The following BCAS4 variants were observed in gnomAD, a reference collection of about 807,000 sequenced individuals.
BCAS4 encodes the protein breast carcinoma-amplified sequence 4.
Under a neutral mutation model 15.7 loss-of-function variants are expected in BCAS4, and 9 were observed. The ratio of observed to expected loss-of-function variants is 0.57; its 90% CI spans 0.34 to 1.00. BCAS4 has a LOEUF of 1.00. BCAS4 is among the 50% of genes least tolerant of loss of function. The pLI is 0.02. For missense variants in BCAS4, 225 were observed against 239.1 expected (o/e 0.94, Z 0.39); for synonymous variants, 101 against 99.5 (o/e 1.02, Z -0.09).
At chr20:50,850,747 C>G (rs1978364590) in intron 4 of BCAS4, among the ~76,000 whole-genome samples, 2 of 152,202 alleles carry the variant, frequency 1.3e-5, no homozygotes, top group South Asian at 4.1e-4. Flanking sequence ...ATCTGGCCTA[C>G]CGTGCTCACT....
intron 4 of BCAS4, chr20:50,875,866 C>T (rs1018881735): frequency 1.8e-5 from 8 of 441,024 alleles, no homozygotes; most frequent in Middle Eastern, 5.1e-4. Flanking sequence ...TGTCACGTGT[C>T]GGTATAGGTC....
intron 1 of BCAS4, among the ~76,000 whole-genome samples, chr20:50,812,345 G>A (rs957574211): frequency 6.6e-6 from 1 of 151,546 alleles, no homozygotes; most frequent in East Asian, 1.9e-4. Context: ...GTGTTAGCCA[G>A]GATGGTCTCG....
At chr20:50,876,338 G>A in intron 4 of BCAS4, 148 bp from the exon 5 acceptor site, 1 of 1,035,288 alleles carries the variant, frequency 9.7e-7, no homozygotes, top group Admixed American at 3.1e-5. Context: ...GGCCGGCTTT[G>A]GCTGTCACAG....
At chr20:50,850,514 T>C (rs1369024567) in intron 4 of BCAS4, among the ~76,000 whole-genome samples, 1 of 152,242 alleles carries the variant, frequency 6.6e-6, no homozygotes, top group East Asian at 1.9e-4. Context: ...CAGCGTGGTA[T>C]ATGGATATAT....
intron 1 of BCAS4, among the ~76,000 whole-genome samples, chr20:50,805,852 G>A (rs1345034012): frequency 6.6e-6 from 1 of 151,992 alleles, no homozygotes; most frequent in Non-Finnish European, 1.5e-5. Context: ...GTGTGCTCTT[G>A]TAGTCCCAGC....
At chr20:50,805,102 G>T (rs2087974268) in intron 1 of BCAS4, among the ~76,000 whole-genome samples, 1 of 152,054 alleles carries the variant, frequency 6.6e-6, no homozygotes. Flanking sequence ...ATTGAGATGT[G>T]ATTTGCATAC....
At chr20:50,856,122 G>A (rs1382657199) in intron 4 of BCAS4, among the ~76,000 whole-genome samples, 3 of 152,188 alleles carry the variant, frequency 2.0e-5, no homozygotes, top group African/African-American at 4.8e-5. Context: ...AGGTGTGATC[G>A]GTGTCAGAAC....
chr20:50,846,226 C>T (rs954218140), intron 4 of BCAS4, among the ~76,000 whole-genome samples: 3 of 152,196 alleles, frequency 2.0e-5, no homozygotes, highest in Non-Finnish European at 4.4e-5. Context: ...TTATATTGAT[C>T]GTTATAACAT....
chr20:50,811,155 G>A (rs1038596445), intron 1 of BCAS4, among the ~76,000 whole-genome samples: 5 of 152,100 alleles, frequency 3.3e-5, no homozygotes, highest in Non-Finnish European at 5.9e-5. Flanking sequence ...GAGTAGGGCT[G>A]GGGAGGCCCC....
At chr20:50,841,567 C>T (rs957224829) in intron 3 of BCAS4, among the ~76,000 whole-genome samples, 199 bp from the exon 4 acceptor site, 7 of 152,090 alleles carry the variant, frequency 4.6e-5, no homozygotes, top group South Asian at 2.1e-4. Context: ...AGGCCACCAG[C>T]GGGAGCTGTG....
intron 4 of BCAS4, among the ~76,000 whole-genome samples, chr20:50,853,341 C>T (rs1052625028): frequency 1.3e-5 from 2 of 151,596 alleles, no homozygotes; most frequent in African/African-American, 2.4e-5. Context: ...GACAGGGTTT[C>T]GCCATGTTAG....
intron 2 of BCAS4, among the ~76,000 whole-genome samples, 174 bp from the exon 3 acceptor site, chr20:50,830,105 C>T (rs779774712): frequency 2.0e-5 from 3 of 152,134 alleles, no homozygotes; most frequent in Admixed American, 6.5e-5. Context: ...ACAGAGGCGA[C>T]GATGTTGGTC....
At chr20:50,832,097 G>T (rs1212707537) in intron 3 of BCAS4, among the ~76,000 whole-genome samples, 5 of 152,112 alleles carry the variant, frequency 3.3e-5, no homozygotes, top group Non-Finnish European at 7.4e-5. Context: ...TGTTGACTGA[G>T]GGCCAGGAGA....
intron 1 of BCAS4, among the ~76,000 whole-genome samples, chr20:50,807,972 A>G (rs945262689): frequency 2.9e-5 from 4 of 137,902 alleles, no homozygotes. Context: ...CAGTGGCGTG[A>G]TCTCGGCTCA....
chr20:50,851,882 C>G lies in BCAS4; in HGVS notation c.399+9982C>G, dbSNP rs1310349031. Among the ~76,000 whole-genome samples, 3 of 152,258 alleles carry G rather than the reference C, an allele frequency of 2.0e-5. No individual in the cohort carries two copies. The highest frequency in any genetic ancestry group is 2.9e-5 in the Non-Finnish European group (2 of 68,042). ...CCTCTGGGGTCCCCTAACCCAAACC[C>G]TCGTTCATTGCCTGGCGGGCACATG... On this transcript the variant is annotated intron_variant, in intron 4 of 4. Coordinates refer to ENST00000371608, the MANE Select transcript of BCAS4 (RefSeq NM_198799.4). The surrounding 1 kb of genome is among the most constrained non-coding windows in gnomAD (Gnocchi z 4.3).
chr20:50,818,738 T>C (rs757031429), intron 2 of BCAS4, among the ~76,000 whole-genome samples: 2 of 152,144 alleles, frequency 1.3e-5, no homozygotes, highest in African/African-American at 2.4e-5. Context: ...CGTGGTGGAG[T>C]TGGGCATCGA....
intron 4 of BCAS4, among the ~76,000 whole-genome samples, chr20:50,854,814 A>G (rs1004612118): frequency 6.6e-6 from 1 of 152,152 alleles, no homozygotes; most frequent in African/African-American, 2.4e-5. Context: ...AAGGCTGCCA[A>G]AGCCAAGTCC....
In BCAS4 at chr20:50,875,539, C is replaced by T. The variant is rs1298669067; in HGVS notation, c.400-947C>T. Among the ~76,000 whole-genome samples, 4 of 144,318 alleles carry T rather than the reference C, an allele frequency of 2.8e-5. No individual in the cohort carries two copies. The East Asian group carries it at 6.1e-4, about 22-fold the overall frequency. The allele number at this position is 144,318 out of a possible 152,430, so 94.7% of individuals were successfully genotyped here. ...TAGCACTTTGGGAGGCCGAGGCGGGCGAGTCACCGGAGGCCAGGAATTTGA... is the reference window on the plus strand; with the variant it reads ...TAGCACTTTGGGAGGCCGAGGCGGGTGAGTCACCGGAGGCCAGGAATTTGA... On this transcript the variant is annotated intron_variant, in intron 4 of 4. Coordinates refer to ENST00000371608, the MANE Select transcript of BCAS4 (RefSeq NM_198799.4).
chr20:50,842,751 G>C (rs1247667381), intron 4 of BCAS4, among the ~76,000 whole-genome samples: 1 of 152,062 alleles, frequency 6.6e-6, no homozygotes, highest in African/African-American at 2.4e-5. Flanking sequence ...GAAGACGGAG[G>C]CTCGGGGAAG....
Sources: gnomAD v4.1 joint callset for allele counts (sites outside exome capture counted in the v4.1 genomes callset) on GRCh38, gnomAD v4.1.1 for gene constraint, Gnocchi (gnomAD v3.1) non-coding constraint, MANE v1.5 for transcripts, NCBI Gene and HGNC (gene_info 2026-07-23, HGNC 2026-07-21) for gene names.